Variants in PTPN13 observed in about 807,000 individuals in gnomAD.
PTPN13 encodes tyrosine-protein phosphatase non-receptor type 13.
A neutral mutation model predicts 284.0 loss-of-function variants in PTPN13; 191 were observed. The ratio of observed to expected loss-of-function variants is 0.67; its 90% CI spans 0.60 to 0.76. The LOEUF (loss-of-function observed/expected upper bound fraction) is 0.76. Ranked by LOEUF, PTPN13 falls within the 30% of genes least tolerant of loss-of-function variation. The pLI is 0.00. For synonymous variants in PTPN13, 986 were observed against 1,022.3 expected (o/e 0.96, Z 0.68); for missense variants, 2,797 against 2,939.9 (o/e 0.95, Z 1.12).
intron 9 of PTPN13, 89 bp downstream of exon 9, chr4:86,717,206 T>TTTG: frequency 1.1e-6 from 1 of 917,196 alleles, no homozygotes; most frequent in African/African-American, 1.7e-5. Context: ...TTTTTTTTTT[T>TTTG]GAGACGGAGT....
At chr4:86,619,819 A>G (rs1721013595) in intron 1 of PTPN13, among the ~76,000 whole-genome samples, 1 of 149,764 alleles carries the variant, frequency 6.7e-6, no homozygotes, top group Admixed American at 6.7e-5. Flanking sequence ...AGAGAGTCCC[A>G]TTCTGGTGCT....
Position 86,763,157 on chromosome 4 carries a change from C to T in PTPN13, c.3984C>T (p.Tyr1328=), listed in dbSNP as rs772308933. The part of the protein sequence containing the change: ...RGDSDMDEAT[Y]SSSQDHQTPK... Reference sequence around the variant, plus strand: ...ATTCAGACATGGATGAAGCCACTTACTCCAGCAGTCAGGATCATCAAACAC... The same window carrying T: ...ATTCAGACATGGATGAAGCCACTTATTCCAGCAGTCAGGATCATCAAACAC... The change falls in exon 24 of 48, where the codon TAC becomes TAT. Residue 1328 remains tyrosine (Y), a synonymous_variant. Transcript: ENST00000411767. The T allele has an allele frequency of 2.5e-6, 4 of 1,613,300 alleles. No individual in the cohort carries two copies. In the South Asian group the frequency reaches 4.4e-5, roughly 18 times the overall value.
chr4:86,811,199 G>A, intron 47 of PTPN13, 91 bp downstream of exon 47: 1 of 1,261,026 alleles, frequency 7.9e-7, no homozygotes, highest in South Asian at 1.7e-5. Context: ...TTTTTTGAGA[G>A]TTCCCATGTT....
intron 3 of PTPN13, among the ~76,000 whole-genome samples, chr4:86,685,790 C>A (rs1159498597): frequency 6.6e-6 from 1 of 152,164 alleles, no homozygotes; most frequent in Non-Finnish European, 1.5e-5. Context: ...CAAAATGGTA[C>A]AACTGTTATG....
At chr4:86,656,612 G>A (rs957029223) in intron 2 of PTPN13, among the ~76,000 whole-genome samples, 1 of 152,188 alleles carries the variant, frequency 6.6e-6, no homozygotes, top group East Asian at 1.9e-4. Flanking sequence ...GTACCCGGCT[G>A]TGTGAGGTGT....
intron 2 of PTPN13, among the ~76,000 whole-genome samples, chr4:86,656,564 C>T (rs1391152736): frequency 6.6e-6 from 1 of 152,246 alleles, no homozygotes; most frequent in South Asian, 2.1e-4. Context: ...GCAAATGTTG[C>T]TGCCTGATCG....
intron 1 of PTPN13, among the ~76,000 whole-genome samples, chr4:86,629,684 C>G (rs1319523220): frequency 6.6e-6 from 1 of 151,976 alleles, no homozygotes; most frequent in African/African-American, 2.4e-5. Flanking sequence ...GCCTTCAAGA[C>G]CTTATTGTGT....
chr4:86,608,275 G>A (rs1764972372), intron 1 of PTPN13, among the ~76,000 whole-genome samples: 1 of 152,176 alleles, frequency 6.6e-6, no homozygotes, highest in East Asian at 1.9e-4. Flanking sequence ...AATTCACTAT[G>A]TATAGAATCT....
chr4:86,662,852 G>A (rs565882519), intron 2 of PTPN13, among the ~76,000 whole-genome samples: 46 of 152,212 alleles, frequency 3.0e-4, no homozygotes, highest in African/African-American at 7.7e-4. Flanking sequence ...CACCTCATAC[G>A]TTATGGATAT....
At chr4:86,663,784 T>C (rs549373030) in intron 2 of PTPN13, among the ~76,000 whole-genome samples, 2 of 152,302 alleles carry the variant, frequency 1.3e-5, no homozygotes, top group African/African-American at 4.8e-5. Flanking sequence ...AATAAAATAA[T>C]GTAATTATAA....
chr4:86,611,767 G>A (rs186981485), intron 1 of PTPN13, among the ~76,000 whole-genome samples: 8 of 152,318 alleles, frequency 5.3e-5, no homozygotes, highest in African/African-American at 1.7e-4. Context: ...GGCAGTTAGA[G>A]TTAACAGGAC....
chr4:86,809,149 G>T (rs1345514747), intron 45 of PTPN13, among the ~76,000 whole-genome samples: 4 of 152,182 alleles, frequency 2.6e-5, no homozygotes, highest in African/African-American at 9.7e-5. Context: ...GCCAGATTAG[G>T]TAGTGTTGCA....
intron 10 of PTPN13, among the ~76,000 whole-genome samples, chr4:86,728,442 G>A (rs1460934472): frequency 1.4e-5 from 2 of 148,082 alleles, no homozygotes; most frequent in Non-Finnish European, 3.0e-5. Context: ...TTATTGTGTG[G>A]GAGTCTAAGT....
Position 86,767,798 on chromosome 4 carries a change from T to G in PTPN13, c.4330-19T>G. 1.3e-6 allele frequency: 2 copies of G among 1,504,090 alleles called. No homozygotes were observed. The highest frequency in any genetic ancestry group is 1.8e-6 in the Non-Finnish European group (2 of 1,113,680). 93.2% of individuals were successfully genotyped at this position (1,504,090 alleles called of 1,614,324 possible). ...TTAGCATTCTTCTTAATTAATGAAATGCTATTTTACTTATCCAGGTGGTTC... is the reference window on the plus strand; with the variant it reads ...TTAGCATTCTTCTTAATTAATGAAAGGCTATTTTACTTATCCAGGTGGTTC... On this transcript the variant is annotated intron_variant, in intron 27 of 47. Coordinates refer to ENST00000411767, the MANE Select transcript of PTPN13 (RefSeq NM_080683.3).
At chr4:86,730,910 G>A (rs1441859361) in intron 10 of PTPN13, among the ~76,000 whole-genome samples, 1 of 152,158 alleles carries the variant, frequency 6.6e-6, no homozygotes, top group Non-Finnish European at 1.5e-5. Context: ...GCTGCAGACT[G>A]GAGCTGTTCC....
At chr4:86,722,135 A>T (rs1733738580) in intron 9 of PTPN13, 77 bp from the exon 10 acceptor site, 1 of 1,232,972 alleles carries the variant, frequency 8.1e-7, no homozygotes, top group Non-Finnish European at 1.2e-6. Flanking sequence ...AACCTTACTT[A>T]AAATGAAATT....
rs1279764406 is a variant in PTPN13 at position 86,769,995 on chromosome 4, G to A, written c.4704+12G>A. ...GACTATCTCAGCAGGTGAGCCCCTAGCATGTGGAGTATAGCATTTTTAATG... is the reference window on the plus strand; with the variant it reads ...GACTATCTCAGCAGGTGAGCCCCTAACATGTGGAGTATAGCATTTTTAATG... On this transcript the variant is annotated intron_variant, in intron 29 of 47. Transcript: ENST00000411767. 4 of 1,613,448 alleles carry A rather than the reference G, an allele frequency of 2.5e-6. No homozygotes were observed. The highest frequency in any genetic ancestry group is 4.5e-5 in the East Asian group (2 of 44,882).
At chr4:86,699,335 A>G (rs1730895558) in intron 6 of PTPN13, among the ~76,000 whole-genome samples, 1 of 152,014 alleles carries the variant, frequency 6.6e-6, no homozygotes, top group Non-Finnish European at 1.5e-5. Context: ...GCAGTGAGCC[A>G]AGATGGCGCC....
At chr4:86,733,588 C>T (rs888835380) in intron 12 of PTPN13, among the ~76,000 whole-genome samples, 9 of 152,012 alleles carry the variant, frequency 5.9e-5, no homozygotes, top group African/African-American at 2.2e-4. Context: ...ATGCTGTAGA[C>T]TCATACAATA....
Sources: gnomAD v4.1 joint callset for allele counts (sites outside exome capture counted in the v4.1 genomes callset) on GRCh38, gnomAD v4.1.1 for gene constraint, MANE v1.5 for transcripts, NCBI Gene and HGNC (gene_info 2026-07-23, HGNC 2026-07-21) for gene names.